PPP1R13B: variants seen among roughly 807,000 people sequenced by gnomAD.
PPP1R13B encodes protein phosphatase 1 regulatory subunit 13B.
PPP1R13B carries 44 observed loss-of-function variants against 119.8 expected under a neutral mutation model. That is an observed-to-expected ratio of 0.37 (90% CI 0.29 to 0.47). The LOEUF is 0.47. Ranked by LOEUF, PPP1R13B falls within the 20% of genes least tolerant of loss-of-function variation. The probability of loss-of-function intolerance (pLI) is 0.99; values close to 1 mark genes in which losing one functional copy is unlikely to be tolerated. For synonymous variants in PPP1R13B, 542 were observed against 561.5 expected, an observed-to-expected ratio of 0.97 and a Z score of 0.49; for missense variants, 1,227 against 1,413.5, an observed-to-expected ratio of 0.87 and a Z score of 2.12.
chr14:103,822,918 G>T (rs1246660924), intron 1 of PPP1R13B, among the ~76,000 whole-genome samples: 1 of 152,110 alleles, frequency 6.6e-6, no homozygotes, highest in Non-Finnish European at 1.5e-5. Flanking sequence ...TCATCCCCAC[G>T]TTACAGATGG....
chr14:103,792,837 G>A (rs567073508), intron 2 of PPP1R13B, among the ~76,000 whole-genome samples: 145 of 152,144 alleles, frequency 9.5e-4, no homozygotes, highest in African/African-American at 3.2e-3. Context: ...TTGGGAGGCC[G>A]AGGCAGGTGG....
intron 1 of PPP1R13B, among the ~76,000 whole-genome samples, chr14:103,810,835 T>G (rs1035269866): frequency 6.6e-6 from 1 of 150,574 alleles, no homozygotes; most frequent in Admixed American, 6.6e-5. Flanking sequence ...GTGCTTGTAA[T>G]CCCAGCACTT....
chr14:103,815,547 G>C (rs972363031), intron 1 of PPP1R13B, among the ~76,000 whole-genome samples: 1 of 152,058 alleles, frequency 6.6e-6, no homozygotes, highest in African/African-American at 2.4e-5. Context: ...ATGAGGTCAG[G>C]AGTTCCAAGA....
intron 8 of PPP1R13B, 88 bp downstream of exon 8, chr14:103,749,706 G>A: frequency 1.5e-6 from 2 of 1,304,338 alleles, no homozygotes; most frequent in Non-Finnish European, 1.1e-6. Flanking sequence ...TATGGTGGAT[G>A]GGGGAGCATA....
rs1038795453 is a variant in PPP1R13B, at chr14:103,778,799, T to C, written c.300A>G (p.Gln100=). The C allele has an allele frequency of 1.2e-6, 2 of 1,614,064 alleles. No homozygotes were observed. Among genetic ancestry groups the C allele is most frequent in the Non-Finnish European group, 1.7e-6 (2 of 1,179,964 alleles). The change falls in exon 4 of 17, where the codon CAA becomes CAG. Residue 100 remains glutamine (Q), a synonymous_variant. Coordinates refer to ENST00000202556, the MANE Select transcript of PPP1R13B (RefSeq NM_015316.3). Reference sequence around the variant, plus strand: ...CATTTATTACATTTCTCTGAGTTCGTTGCTCTTGGGTCTGACGGCCACCTA... The same window carrying C: ...CATTTATTACATTTCTCTGAGTTCGCTGCTCTTGGGTCTGACGGCCACCTA... ...SEQGGRQTQE[Q]RTQRNVINVP...
At chr14:103,771,845 T>G (rs2085077276) in intron 4 of PPP1R13B, among the ~76,000 whole-genome samples, 1 of 152,212 alleles carries the variant, frequency 6.6e-6, no homozygotes, top group Non-Finnish European at 1.5e-5. Context: ...ATAATTCACA[T>G]ATAATAAACT....
intron 4 of PPP1R13B, among the ~76,000 whole-genome samples, chr14:103,775,253 C>CT (rs1378487079): frequency 5.3e-5 from 8 of 150,480 alleles, no homozygotes; most frequent in Non-Finnish European, 1.0e-4. Flanking sequence ...TTCTTCCTTT[C>CT]TTTCTTTCAC....
At position 103,847,490 on chromosome 14, in the gene PPP1R13B, G is replaced by C. The variant is rs932672877; in HGVS notation, c.-183C>G. The C allele has an allele frequency of 1.4e-5, 14 of 985,624 alleles. No homozygotes were observed. The highest frequency in any genetic ancestry group is 1.7e-5 in the Non-Finnish European group (14 of 831,114). The allele number at this position is 985,624 out of a possible 1,614,324, so 61.1% of individuals were successfully genotyped here. A position where few individuals can be genotyped will look rare whatever the true frequency, so the allele number is the denominator to read the frequency against. On this transcript the variant is annotated 5_prime_UTR_variant, in exon 1 of 17. Coordinates refer to ENST00000202556, the MANE Select transcript of PPP1R13B (RefSeq NM_015316.3). Reference sequence around the variant, plus strand: ...CTCGCTGGCCCTGTCGCGGCCGCCGGCGCGCTGCGTCGCTGTCCCGGGCAC... The same window carrying C: ...CTCGCTGGCCCTGTCGCGGCCGCCGCCGCGCTGCGTCGCTGTCCCGGGCAC...
At chr14:103,780,936 A>G (rs1024461976) in intron 3 of PPP1R13B, among the ~76,000 whole-genome samples, 23 of 152,164 alleles carry the variant, frequency 1.5e-4, no homozygotes, top group African/African-American at 5.6e-4. Flanking sequence ...CCACCCTTTT[A>G]GGCAAAGGTA....
intron 15 of PPP1R13B, chr14:103,736,471 T>C (rs2151959103): frequency 3.6e-6 from 2 of 556,298 alleles, no homozygotes; most frequent in Non-Finnish European, 6.5e-6. Context: ...AGGGCAAGAG[T>C]GTGCTGTTCT....
At chr14:103,746,083 G>A (rs1469523958) in intron 9 of PPP1R13B, among the ~76,000 whole-genome samples, 2 of 152,264 alleles carry the variant, frequency 1.3e-5, no homozygotes, top group African/African-American at 4.8e-5. Flanking sequence ...TGGGATTACA[G>A]GCGTGAGCCA....
chr14:103,775,819 T>G, intron 4 of PPP1R13B, among the ~76,000 whole-genome samples: 1 of 152,136 alleles, frequency 6.6e-6, no homozygotes, highest in East Asian at 1.9e-4. Flanking sequence ...GGCTCTTGAT[T>G]TGCAGTGGAC....
chr14:103,756,085 AT>A lies in PPP1R13B; in HGVS notation c.456+1564del, dbSNP rs538567351. Among the ~76,000 whole-genome samples, 822 of 150,844 alleles carry A rather than the reference AT, an allele frequency of 5.4e-3. 6 individuals carry two copies. Among genetic ancestry groups the A allele is most frequent in the African/African-American group, 0.019 (784 of 41,096 alleles). Reference sequence around the variant, plus strand: ...ATGTTATCTTTAAAGCCAGTTTGGAATTTTTTTTTCTTTTTTTTTTTCATTT... The same window carrying A: ...ATGTTATCTTTAAAGCCAGTTTGGAATTTTTTTTCTTTTTTTTTTTCATTT... On this transcript the variant is annotated intron_variant, in intron 5 of 16. Coordinates refer to ENST00000202556, the MANE Select transcript of PPP1R13B (RefSeq NM_015316.3).
At chr14:103,817,024 C>T (rs1291677927) in intron 1 of PPP1R13B, among the ~76,000 whole-genome samples, 1 of 152,150 alleles carries the variant, frequency 6.6e-6, no homozygotes, top group Admixed American at 6.5e-5. Flanking sequence ...CTTGAATTTG[C>T]TTATAATGCT....
chr14:103,828,921 T>C (rs1269954451), intron 1 of PPP1R13B, among the ~76,000 whole-genome samples: 2 of 152,240 alleles, frequency 1.3e-5, no homozygotes, highest in African/African-American at 4.8e-5. Context: ...GTCCTCCTCT[T>C]ACCTGTCTTC....
At chr14:103,797,246 A>G in intron 2 of PPP1R13B, 125 bp downstream of exon 2, 1 of 869,036 alleles carries the variant, frequency 1.2e-6, no homozygotes, top group Non-Finnish European at 1.7e-6. Context: ...ATACTAAATT[A>G]TATGTACTTA....
chr14:103,758,843 A>T (rs146788453), intron 4 of PPP1R13B, among the ~76,000 whole-genome samples: 1 of 152,128 alleles, frequency 6.6e-6, no homozygotes, highest in African/African-American at 2.4e-5. Context: ...TAAACCTCTT[A>T]TAATTCTTAA....
chr14:103,809,857 C>T (rs1348628038), intron 1 of PPP1R13B, among the ~76,000 whole-genome samples: 3 of 151,014 alleles, frequency 2.0e-5, no homozygotes, highest in Admixed American at 6.6e-5. Flanking sequence ...GACAGAGTCT[C>T]GCTCTGTCGC....
At chr14:103,771,052 TAACTATGA>T (rs1446274333) in intron 4 of PPP1R13B, among the ~76,000 whole-genome samples, 4 of 152,042 alleles carry the variant, frequency 2.6e-5, no homozygotes, top group Admixed American at 1.3e-4. Flanking sequence ...AATGTAAGGC[TAACTATGA>T]AATGAACCCC....
Sources: gnomAD v4.1 joint callset for allele counts (sites outside exome capture counted in the v4.1 genomes callset) on GRCh38, gnomAD v4.1.1 for gene constraint, MANE v1.5 for transcripts, NCBI Gene and HGNC (gene_info 2026-07-23, HGNC 2026-07-21) for gene names.